The following EDDM3A variants were observed in gnomAD, a reference collection of about 807,000 sequenced individuals.
EDDM3A encodes epididymal secretory protein E3-alpha.
For missense variants in EDDM3A, 199 were observed against 177.4 expected, an observed-to-expected ratio of 1.12 and a Z score of -0.69; for synonymous variants, 75 against 60.4, an observed-to-expected ratio of 1.24 and a Z score of -1.12.
Position 20,747,618 on chromosome 14 carries a change from C to T in EDDM3A, c.38C>T (p.Ala13Val), listed in dbSNP as rs778786328. ...CTAAAGATTTGGGGCATACTCTTGGCCCTGCTTTGCATCCTTTGCAGGCTG... is the reference window on the plus strand; with the variant it reads ...CTAAAGATTTGGGGCATACTCTTGGTCCTGCTTTGCATCCTTTGCAGGCTG... ...SSLKIWGILL[A>V]LLCILCRLCV... The change falls in exon 2 of 2, where the codon GCC becomes GTC. Residue 13 changes from alanine (A) to valine (V), a missense_variant. Physicochemically the swap from Ala to Val is moderately conservative, Grantham distance 64. Transcript: ENST00000326842. 2 of 1,612,864 alleles carry T rather than the reference C, an allele frequency of 1.2e-6. No individual in the cohort carries two copies. Among genetic ancestry groups the T allele is most frequent in the East Asian group, 4.5e-5 (2 of 44,880 alleles).
chr14:20,737,049 T>C, the EDDM3A span, among the ~76,000 whole-genome samples: 1 of 137,412 alleles, frequency 7.3e-6, no homozygotes, highest in African/African-American at 2.9e-5. Context: ...TTTCTTTTCT[T>C]TTTCCTTTTT....
intron 1 of EDDM3A, among the ~76,000 whole-genome samples, chr14:20,746,810 C>G (rs1877602796): frequency 6.6e-6 from 1 of 152,188 alleles, no homozygotes; most frequent in South Asian, 2.1e-4. Context: ...TGCCTTCTGC[C>G]TAGGAACCAC....
chr14:20,740,672 C>T, the EDDM3A span, among the ~76,000 whole-genome samples: 2 of 138,972 alleles, frequency 1.4e-5, no homozygotes, highest in African/African-American at 6.9e-5. Context: ...TGTTTGTTTG[C>T]TTGTTTGCTT....
At chr14:20,746,692 A>G (rs1401059300) in intron 1 of EDDM3A, among the ~76,000 whole-genome samples, 1 of 152,186 alleles carries the variant, frequency 6.6e-6, no homozygotes, top group African/African-American at 2.4e-5. Flanking sequence ...TAATGATCAC[A>G]TGTTTCACCC....
chr14:20,748,114 C>A lies in EDDM3A; in HGVS notation c.*90C>A. On this transcript the variant is annotated 3_prime_UTR_variant, in exon 2 of 2. Transcript: ENST00000326842. ...CTCCATCAATAGCCCCTGCCACTCC[C>A]CGCTTACATTTATGTGTCAGTGTTT... 1.1e-6 allele frequency: 1 copy of A among 901,462 alleles called. No individual in the cohort carries two copies. Among genetic ancestry groups the A allele is most frequent in the East Asian group, 2.5e-5 (1 of 40,008 alleles). The allele number at this position is 901,462 out of a possible 1,614,324, so 55.8% of individuals were successfully genotyped here. A position where few individuals can be genotyped will look rare whatever the true frequency, so the allele number is the denominator to read the frequency against.
chr14:20,748,047 T>C lies in EDDM3A; in HGVS notation c.*23T>C, dbSNP rs767442473. The C allele has an allele frequency of 1.9e-6, 3 of 1,557,260 alleles. No individual in the cohort carries two copies. The highest frequency in any genetic ancestry group is 2.6e-6 in the Non-Finnish European group (3 of 1,150,884). ...TAGAAAGTCTATGCACATCCTCAGA[T>C]ATTGGTAGAGTATTCAGTGCTTCCA... On this transcript the variant is annotated 3_prime_UTR_variant, in exon 2 of 2. Transcript: ENST00000326842.
chr14:20,747,443 C>A (rs531848913), intron 1 of EDDM3A, 112 bp from the exon 2 acceptor site: 1 of 645,712 alleles, frequency 1.5e-6, no homozygotes, highest in African/African-American at 1.8e-5. Context: ...TAATATGGAA[C>A]CAAATAGCAA....
chr14:20,739,028 T>A, the EDDM3A span, among the ~76,000 whole-genome samples: 1 of 152,204 alleles, frequency 6.6e-6, no homozygotes, highest in Non-Finnish European at 1.5e-5. Context: ...AAAAGGCCAA[T>A]GCATACTCTA....
In EDDM3A at chr14:20,747,805, A is replaced by AT; in HGVS notation, c.225_226insT (p.Ile76TyrfsTer8). The AT allele has an allele frequency of 6.2e-7, 1 of 1,614,180 alleles. No individual in the cohort carries two copies. The highest frequency in any genetic ancestry group is 8.5e-7 in the Non-Finnish European group (1 of 1,180,024). ...TGTTCATCTATAGCTTATGGTTCAAAATTCAGCGTGCATGCATCAATGAGA... is the reference window on the plus strand; with the variant it reads ...TGTTCATCTATAGCTTATGGTTCAAATATTCAGCGTGCATGCATCAATGAGA... On this transcript the variant is annotated frameshift_variant, in exon 2 of 2. Coordinates refer to ENST00000326842, the MANE Select transcript of EDDM3A (RefSeq NM_006683.5). LOFTEE classifies it low-confidence loss of function (END_TRUNC).
rs753431474 is a variant in EDDM3A at position 20,748,191 on chromosome 14, G to C, written c.*167G>C. 5.3e-6 allele frequency: 3 copies of C among 567,098 alleles called. No homozygotes were observed. Among genetic ancestry groups the C allele is most frequent in the Non-Finnish European group, 6.2e-6 (2 of 323,884 alleles). The allele number at this position is 567,098 out of a possible 1,614,324, so 35.1% of individuals were successfully genotyped here. A position where few individuals can be genotyped will look rare whatever the true frequency, so the allele number is the denominator to read the frequency against. Reference sequence around the variant, plus strand: ...CGTGATTTCTTGATACCAAATCTTTGTGTGGTTTCTGTATCTGTAATACAA... The same window carrying C: ...CGTGATTTCTTGATACCAAATCTTTCTGTGGTTTCTGTATCTGTAATACAA... On this transcript the variant is annotated 3_prime_UTR_variant, in exon 2 of 2. Transcript: ENST00000326842.
At chr14:20,743,619 A>G (rs935848259), upstream of EDDM3A, among the ~76,000 whole-genome samples, 5 of 147,134 alleles carry the variant, frequency 3.4e-5, no homozygotes, top group African/African-American at 1.4e-4. Flanking sequence ...AAGGATGAAC[A>G]TAATTTTCAA....
chr14:20,747,482 GA>G (rs1745010954), intron 1 of EDDM3A, 72 bp from the exon 2 acceptor site: 3 of 929,148 alleles, frequency 3.2e-6, no homozygotes, highest in Non-Finnish European at 4.9e-6. Flanking sequence ...GCTTGGCAGG[GA>G]AAGGAATTTT....
upstream of EDDM3A, among the ~76,000 whole-genome samples, chr14:20,741,871 G>T (rs1888566): frequency 0.54 from 81,506 of 151,260 alleles, 22,164 homozygotes; most frequent in African/African-American, 0.6. Context: ...CTACTCAGTA[G>T]TAAACACACA....
chr14:20,739,313 T>C, the EDDM3A span, among the ~76,000 whole-genome samples: 1 of 152,248 alleles, frequency 6.6e-6, no homozygotes, highest in Non-Finnish European at 1.5e-5. Flanking sequence ...TGAATGAATA[T>C]GCAGCTACCC....
In EDDM3A at chr14:20,747,987, TAG is replaced by T; in HGVS notation, c.409_410del (p.Glu137ArgfsTer54). On this transcript the variant is annotated frameshift_variant, in exon 2 of 2. Coordinates refer to ENST00000326842, the MANE Select transcript of EDDM3A (RefSeq NM_006683.5). LOFTEE classifies it low-confidence loss of function (END_TRUNC). ...GGCGTAGATGGATATGTTGATAACA[TAG>T]AAGACCTGAGGATTATAGAACCTAT... The T allele has an allele frequency of 6.2e-7, 1 of 1,611,576 alleles. No homozygotes were observed. Among genetic ancestry groups the T allele is most frequent in the Non-Finnish European group, 8.5e-7 (1 of 1,178,898 alleles).
In EDDM3A at chr14:20,747,569, G is replaced by C. The variant is rs10135976; in HGVS notation, c.-12G>C. 1,160,084 of 1,583,168 alleles carry C rather than the reference G, an allele frequency of 0.73. 428,741 individuals carry two copies. Among genetic ancestry groups the C allele is most frequent in the East Asian group, 0.99 (44,284 of 44,628 alleles). On this transcript the variant is annotated 5_prime_UTR_variant, in exon 2 of 2. Coordinates refer to ENST00000326842, the MANE Select transcript of EDDM3A (RefSeq NM_006683.5). The stretch of plus-strand genomic sequence containing the variant: ...CTTCCCTGTAGACACGCAGGTGGAC[G>C]TGGTGACTGAGATGACATCCTCTCT...
chr14:20,742,145 A>C (rs1387294678), upstream of EDDM3A, among the ~76,000 whole-genome samples: 1 of 152,202 alleles, frequency 6.6e-6, no homozygotes, highest in Admixed American at 6.5e-5. Flanking sequence ...GCATTGTTGC[A>C]GCAACTGGCT....
chr14:20,737,339 G>A, the EDDM3A span, among the ~76,000 whole-genome samples: 4 of 152,164 alleles, frequency 2.6e-5, no homozygotes, highest in Admixed American at 2.0e-4. Flanking sequence ...TGGGGTTACA[G>A]GTGTGAGCCA....
upstream of EDDM3A, among the ~76,000 whole-genome samples, chr14:20,742,409 T>C (rs1449049358): frequency 6.6e-6 from 1 of 152,222 alleles, no homozygotes; most frequent in African/African-American, 2.4e-5. Context: ...TAAGAAATCT[T>C]ATCTGGACTT....
Sources: gnomAD v4.1 joint callset for allele counts (sites outside exome capture counted in the v4.1 genomes callset) on GRCh38, gnomAD v4.1.1 for gene constraint, MANE v1.5 for transcripts, NCBI Gene and HGNC (gene_info 2026-07-23, HGNC 2026-07-21) for gene names.